The following TPP2 variants were observed in gnomAD, a reference collection of about 807,000 sequenced individuals.
TPP2 encodes the protein tripeptidyl peptidase 2.
A neutral mutation model predicts 155.9 loss-of-function variants in TPP2; 34 were observed. That is an observed-to-expected ratio of 0.22 (90% CI 0.17 to 0.29). The LOEUF (loss-of-function observed/expected upper bound fraction) is 0.29, where lower values mean the gene tolerates loss of function less well. TPP2 is among the 10% of genes least tolerant of loss of function. The pLI is 1.00. For missense variants in TPP2, 1,028 were observed against 1,522.3 expected (o/e 0.68, Z 5.40); for synonymous variants, 510 against 529.4 (o/e 0.96, Z 0.50).
intron 24 of TPP2, among the ~76,000 whole-genome samples, chr13:102,654,007 T>G (rs1488341187): frequency 1.3e-5 from 2 of 152,194 alleles, no homozygotes; most frequent in Admixed American, 6.5e-5. Context: ...TAGAGAAATC[T>G]TCATAGCATT....
intron 12 of TPP2, 94 bp from the exon 13 acceptor site, chr13:102,636,130 G>GT (rs1882362447): frequency 7.7e-7 from 1 of 1,301,078 alleles, no homozygotes; most frequent in African/African-American, 1.5e-5. Flanking sequence ...CTAACTTTTT[G>GT]TTTTACAACT....
intron 18 of TPP2, 60 bp downstream of exon 18, chr13:102,644,733 A>G: frequency 6.7e-7 from 1 of 1,491,206 alleles, no homozygotes; most frequent in Non-Finnish European, 9.2e-7. Context: ...CTGGAGAGTA[A>G]CTTCATTGGT....
intron 1 of TPP2, among the ~76,000 whole-genome samples, chr13:102,599,162 A>G (rs1334439787): frequency 1.3e-5 from 2 of 152,164 alleles, no homozygotes; most frequent in Admixed American, 1.3e-4. Context: ...TGTACTCAAT[A>G]TTTAGCTCCC....
At chr13:102,599,167 G>A (rs891554165) in intron 1 of TPP2, among the ~76,000 whole-genome samples, 1 of 152,022 alleles carries the variant, frequency 6.6e-6, no homozygotes, top group Non-Finnish European at 1.5e-5. Flanking sequence ...TCAATATTTA[G>A]CTCCCACCAT....
intron 20 of TPP2, 67 bp downstream of exon 20, chr13:102,646,457 A>C (rs765301073): frequency 1.1e-5 from 14 of 1,281,956 alleles, no homozygotes; most frequent in Non-Finnish European, 1.5e-5. Context: ...GATTCATAGA[A>C]TCAAAAATGG....
intron 1 of TPP2, among the ~76,000 whole-genome samples, chr13:102,599,367 C>T (rs773837416): frequency 6.6e-6 from 1 of 152,052 alleles, no homozygotes; most frequent in East Asian, 1.9e-4. Context: ...AAATTGGGTA[C>T]GGTGGCTTGC....
intron 29 of TPP2, among the ~76,000 whole-genome samples, chr13:102,677,321 G>A (rs2139628508): frequency 6.6e-6 from 1 of 152,220 alleles, no homozygotes; most frequent in East Asian, 1.9e-4. Context: ...AGTGATCCCT[G>A]CCGACGTTCA....
chr13:102,675,323 T>C (rs1487383728), intron 28 of TPP2, among the ~76,000 whole-genome samples: 2 of 152,204 alleles, frequency 1.3e-5, no homozygotes, highest in African/African-American at 4.8e-5. Context: ...GGAGCCAGTA[T>C]TGCAGCAGAG....
intron 22 of TPP2, 74 bp downstream of exon 22, chr13:102,649,225 C>G: frequency 4.0e-6 from 6 of 1,515,942 alleles, no homozygotes; most frequent in Non-Finnish European, 4.4e-6. Context: ...TTTATGACAT[C>G]TAGGCTAAAT....
chr13:102,661,250 C>T (rs952002073), intron 25 of TPP2, among the ~76,000 whole-genome samples: 7 of 124,136 alleles, frequency 5.6e-5, no homozygotes, highest in African/African-American at 6.3e-5. Context: ...GAACGCTAAC[C>T]TTTTTTTTTT....
chr13:102,676,526 C>T, intron 29 of TPP2, 111 bp downstream of exon 29: 3 of 1,237,456 alleles, frequency 2.4e-6, no homozygotes. Flanking sequence ...TTATTGTGAC[C>T]AGTTATTACA....
At chr13:102,675,230 A>AT (rs1393560479) in intron 28 of TPP2, among the ~76,000 whole-genome samples, 1 of 152,190 alleles carries the variant, frequency 6.6e-6, no homozygotes, top group African/African-American at 2.4e-5. Context: ...GAAAATTCTT[A>AT]TATGGTTCAG....
intron 20 of TPP2, among the ~76,000 whole-genome samples, chr13:102,646,863 G>A (rs992364146): frequency 6.6e-6 from 1 of 152,146 alleles, no homozygotes; most frequent in Admixed American, 6.6e-5. Flanking sequence ...CAATAAAACT[G>A]TTACTGAAAC....
intron 5 of TPP2, among the ~76,000 whole-genome samples, chr13:102,620,605 G>T (rs959670507): frequency 6.6e-6 from 1 of 152,088 alleles, no homozygotes; most frequent in African/African-American, 2.4e-5. Context: ...AGTACCGTGG[G>T]TTTTTTGTTT....
chr13:102,629,434 T>A, intron 8 of TPP2, 48 bp from the exon 9 acceptor site: 2 of 1,443,658 alleles, frequency 1.4e-6, no homozygotes, highest in Admixed American at 2.9e-5. Flanking sequence ...ATATACACTT[T>A]GGGAATAGAG....
chr13:102,631,989 C>G (rs1262515991), intron 10 of TPP2, among the ~76,000 whole-genome samples: 1 of 152,158 alleles, frequency 6.6e-6, no homozygotes, highest in African/African-American at 2.4e-5. Context: ...TGGCTCACGC[C>G]TGTAATCCCA....
chr13:102,670,412 G>A (rs614988), intron 27 of TPP2, among the ~76,000 whole-genome samples: 101,027 of 152,042 alleles, frequency 0.66, 33,768 homozygotes, highest in Middle Eastern at 0.7. Flanking sequence ...TAAATAGATG[G>A]TTTTACTAAC....
chr13:102,616,569 A>T, intron 4 of TPP2, 69 bp downstream of exon 4: 1 of 1,257,718 alleles, frequency 8.0e-7, no homozygotes, highest in Non-Finnish European at 1.1e-6. Context: ...CTACAGAACT[A>T]ATAGACTGTT....
intron 24 of TPP2, among the ~76,000 whole-genome samples, chr13:102,651,735 TA>T (rs60443903): frequency 0.1 from 11,769 of 114,620 alleles, 695 homozygotes; most frequent in African/African-American, 0.25. Context: ...ATGGATGTGA[TA>T]ATTTTTTTTT....
Sources: gnomAD v4.1 joint callset for allele counts (sites outside exome capture counted in the v4.1 genomes callset) on GRCh38, gnomAD v4.1.1 for gene constraint, MANE v1.5 for transcripts, NCBI Gene and HGNC (gene_info 2026-07-23, HGNC 2026-07-21) for gene names.